The following CDH18 variants were observed in gnomAD, a reference collection of about 807,000 sequenced individuals.
CDH18 encodes the protein cadherin 18, also known as cadherin-18.
In CDH18, 31 loss-of-function variants were observed where a neutral mutation model predicts 67.9. The observed-to-expected ratio is 0.46, with a 90% CI of 0.34 to 0.62. The LOEUF is 0.62. CDH18 is among the 20% of genes least tolerant of loss of function. CDH18 has a pLI of 0.01. For missense variants in CDH18, 890 were observed against 975.5 expected (o/e 0.91, Z 1.17); for synonymous variants, 362 against 347.2 (o/e 1.04, Z -0.48).
chr5:20,063,022 T>C (rs1344548824), intron 2 of CDH18, among the ~76,000 whole-genome samples: 2 of 144,454 alleles, frequency 1.4e-5, no homozygotes, highest in African/African-American at 5.1e-5. Context: ...AGAGTCTTGG[T>C]CTGTCACCCA....
intron 4 of CDH18, among the ~76,000 whole-genome samples, chr5:19,734,820 T>G (rs1768085258): frequency 6.6e-6 from 1 of 152,182 alleles, no homozygotes; most frequent in Non-Finnish European, 1.5e-5. Flanking sequence ...TTTGAAATAT[T>G]TATGGTTTCT....
At chr5:20,353,356 C>T (rs1441881593) in intron 1 of CDH18, among the ~76,000 whole-genome samples, 3 of 152,132 alleles carry the variant, frequency 2.0e-5, no homozygotes, top group Non-Finnish European at 4.4e-5. Flanking sequence ...AGAATGACCA[C>T]ATATTATAAA....
chr5:20,133,284 T>C (rs555447060), intron 2 of CDH18, among the ~76,000 whole-genome samples: 1 of 152,268 alleles, frequency 6.6e-6, no homozygotes, highest in African/African-American at 2.4e-5. Flanking sequence ...GCCCCACAAT[T>C]ATGGCAGGAG....
At chr5:19,561,209 G>C (rs1739393426) in intron 8 of CDH18, among the ~76,000 whole-genome samples, 1 of 152,034 alleles carries the variant, frequency 6.6e-6, no homozygotes, top group South Asian at 2.1e-4. Flanking sequence ...ACCTGCGAAG[G>C]TATGTTTATA....
At chr5:20,503,812 T>C (rs541046369) in intron 1 of CDH18, among the ~76,000 whole-genome samples, 1 of 151,810 alleles carries the variant, frequency 6.6e-6, no homozygotes, top group East Asian at 1.9e-4. Context: ...CTGAGGCGGG[T>C]GGATTATCTG....
At chr5:20,516,938 A>G (rs940379563) in intron 1 of CDH18, among the ~76,000 whole-genome samples, 7 of 151,960 alleles carry the variant, frequency 4.6e-5, no homozygotes, top group African/African-American at 1.7e-4. Flanking sequence ...GAGTCCATCA[A>G]ATAGAATCTA....
At chr5:19,741,308 T>C (rs1769171449) in intron 4 of CDH18, among the ~76,000 whole-genome samples, 1 of 128,650 alleles carries the variant, frequency 7.8e-6, no homozygotes, top group Admixed American at 9.1e-5. Context: ...TATGTACATA[T>C]ATACATGTGT....
chr5:20,471,144 T>G (rs1365768138), intron 1 of CDH18, among the ~76,000 whole-genome samples: 1 of 152,110 alleles, frequency 6.6e-6, no homozygotes, highest in Non-Finnish European at 1.5e-5. Flanking sequence ...AGGTTGCATG[T>G]GGGCTCCACT....
chr5:20,115,655 A>T (rs571541767), intron 2 of CDH18, among the ~76,000 whole-genome samples: 14 of 152,012 alleles, frequency 9.2e-5, no homozygotes, highest in Non-Finnish European at 1.8e-4. Flanking sequence ...GGGAACACAA[A>T]TATTCGGTCT....
At position 20,432,460 on chromosome 5, in the gene CDH18, A is replaced by G. The variant is rs537172677; in HGVS notation, c.-580+143002T>C. ...TTGTAATAAACATTTGTTGAACTCTAAGTAGAGAGATTTTATAAAAAATAT... is the reference window on the plus strand; with the variant it reads ...TTGTAATAAACATTTGTTGAACTCTGAGTAGAGAGATTTTATAAAAAATAT... On this transcript the variant is annotated intron_variant, in intron 1 of 14. Coordinates refer to the CDH18 transcript ENST00000507958. Among the ~76,000 whole-genome samples the G allele has an allele frequency of 7.9e-5, 12 of 152,248 alleles. No individual in the cohort carries two copies. The South Asian group carries it at 2.1e-3, about 26-fold the overall frequency.
At chr5:19,507,587 G>A (rs998043102) in intron 10 of CDH18, among the ~76,000 whole-genome samples, 9 of 152,138 alleles carry the variant, frequency 5.9e-5, no homozygotes, top group Non-Finnish European at 5.9e-5. Context: ...AAAAAATGAT[G>A]AGTTCATGTC....
chr5:19,962,039 A>T (rs1297110710), intron 2 of CDH18, among the ~76,000 whole-genome samples: 1 of 151,874 alleles, frequency 6.6e-6, no homozygotes, highest in Non-Finnish European at 1.5e-5. Context: ...ATATGTTATG[A>T]TCTTTTCATA....
intron 1 of CDH18, among the ~76,000 whole-genome samples, chr5:20,534,536 CT>C (rs1405993910): frequency 6.6e-6 from 1 of 151,968 alleles, no homozygotes; most frequent in Non-Finnish European, 1.5e-5. Context: ...AAAAAGGTCA[CT>C]TTTTTGTCTG....
At chr5:19,966,354 T>C (rs976830022) in intron 2 of CDH18, among the ~76,000 whole-genome samples, 3 of 152,102 alleles carry the variant, frequency 2.0e-5, no homozygotes, top group Non-Finnish European at 4.4e-5. Flanking sequence ...CTTTAATCAC[T>C]AAAAGTATGA....
intron 2 of CDH18, among the ~76,000 whole-genome samples, chr5:19,855,165 C>T (rs1050523454): frequency 1.3e-5 from 2 of 152,060 alleles, no homozygotes; most frequent in Non-Finnish European, 2.9e-5. Flanking sequence ...CATTGTTCCC[C>T]GAACTTTATT....
chr5:19,776,473 AG>A (rs1439661444), intron 3 of CDH18, among the ~76,000 whole-genome samples: 2 of 152,184 alleles, frequency 1.3e-5, no homozygotes, highest in African/African-American at 4.8e-5. Context: ...GAGGAGGAAG[AG>A]GATGGAAAGA....
At chr5:20,573,274 T>TA (rs1192313953) in intron 1 of CDH18, among the ~76,000 whole-genome samples, 1 of 152,018 alleles carries the variant, frequency 6.6e-6, no homozygotes, top group Non-Finnish European at 1.5e-5. Context: ...AAAAAAAACT[T>TA]AGCATTGATG....
At chr5:20,509,430 G>A (rs1754880557) in intron 1 of CDH18, among the ~76,000 whole-genome samples, 3 of 145,818 alleles carry the variant, frequency 2.1e-5, no homozygotes, top group African/African-American at 5.0e-5. Context: ...TTTAGATGGA[G>A]TCTCATTCTG....
At position 19,667,593 on chromosome 5, in the gene CDH18, T is replaced by A. The variant is rs533112621; in HGVS notation, c.643+53754A>T. Reference sequence around the variant, plus strand: ...AAAACCACAGGAGTAACATTCAAAGTAGTTAAACAGGCTACATAAATATTA... The same window carrying A: ...AAAACCACAGGAGTAACATTCAAAGAAGTTAAACAGGCTACATAAATATTA... On this transcript the variant is annotated intron_variant, in intron 5 of 12. Transcript: ENST00000382275. 4.0e-5 allele frequency among the ~76,000 whole-genome samples: 6 copies of A among 150,922 alleles called. No homozygotes were observed. In the South Asian group the frequency reaches 1.0e-3, roughly 26 times the overall value.
Sources: allele counts gnomAD v4.1 joint callset (sites outside exome capture counted in the v4.1 genomes callset), GRCh38; gene constraint gnomAD v4.1.1; transcripts MANE v1.5; gene names NCBI Gene and HGNC (gene_info 2026-07-23, HGNC 2026-07-21).